CNTLN: variants seen among roughly 807,000 people sequenced by gnomAD.
The protein encoded by CNTLN is centlein, centrosomal protein.
CNTLN carries 212 observed loss-of-function variants against 180.0 expected under a neutral mutation model. The ratio of observed to expected loss-of-function variants is 1.18; its 90% CI spans 1.05 to 1.32. The LOEUF is 1.32. CNTLN is among the 40% of genes most tolerant of loss of function. The pLI is 0.00. For synonymous variants in CNTLN, 722 were observed against 563.1 expected, an observed-to-expected ratio of 1.28 and a Z score of -3.99; for missense variants, 2,095 against 1,610.9, an observed-to-expected ratio of 1.30 and a Z score of -5.14.
At chr9:17,138,572 C>T (rs549209409) in intron 1 of CNTLN, among the ~76,000 whole-genome samples, 27 of 152,260 alleles carry the variant, frequency 1.8e-4, no homozygotes, top group Non-Finnish European at 3.1e-4. Flanking sequence ...CTGTGTAATT[C>T]CACCAGTTGT....
Position 17,149,512 on chromosome 9 carries a change from CT to C in CNTLN, c.449+6158del, listed in dbSNP as rs55691769. Among the ~76,000 whole-genome samples the C allele has an allele frequency of 1.3e-3, 142 of 106,146 alleles. 1 individual carries two copies. The highest frequency in any genetic ancestry group is 2.1e-3 in the Admixed American group (20 of 9,662). The allele number at this position is 106,146 out of a possible 152,430, so 69.6% of individuals were successfully genotyped here. On this transcript the variant is annotated intron_variant, in intron 2 of 25. Transcript: ENST00000380647. Reference sequence around the variant, plus strand: ...CTGACTTTTTTTATTTTCTTTCTTTCTTTTTTTTTTTTTTTTTTTTTTAGAG... The same window carrying C: ...CTGACTTTTTTTATTTTCTTTCTTTCTTTTTTTTTTTTTTTTTTTTTAGAG...
At chr9:17,354,291 C>T (rs968473687) in intron 12 of CNTLN, among the ~76,000 whole-genome samples, 11 of 152,302 alleles carry the variant, frequency 7.2e-5, no homozygotes, top group East Asian at 1.9e-4. Context: ...CGCCCAGTCC[C>T]GTAGACCACC....
At chr9:17,166,658 T>C (rs1438245451) in intron 2 of CNTLN, among the ~76,000 whole-genome samples, 2 of 152,196 alleles carry the variant, frequency 1.3e-5, no homozygotes, top group Non-Finnish European at 2.9e-5. Flanking sequence ...TCTCAATTGC[T>C]AGAAGCTGGA....
chr9:17,352,191 C>G (rs534227749), intron 12 of CNTLN, among the ~76,000 whole-genome samples: 146 of 152,006 alleles, frequency 9.6e-4, no homozygotes, highest in African/African-American at 3.3e-3. Flanking sequence ...ATGTAAGCTA[C>G]AGATCAGTGG....
At position 17,268,014 on chromosome 9, in the gene CNTLN, T is replaced by C. The variant is rs554285279; in HGVS notation, c.850-5719T>C. The stretch of plus-strand genomic sequence containing the variant: ...CTTGTAGCTTGGAGTAGTTTGACTG[T>C]TTGAAGCCTTCTTCTCTCAACTTGT... On this transcript the variant is annotated intron_variant, in intron 5 of 25. Coordinates refer to ENST00000380647, the MANE Select transcript of CNTLN (RefSeq NM_017738.4). Among the ~76,000 whole-genome samples, 44 of 152,314 alleles carry C rather than the reference T, an allele frequency of 2.9e-4. 1 individual carries two copies. The highest frequency in any genetic ancestry group is 1.0e-3 in the African/African-American group (43 of 41,566).
intron 2 of CNTLN, among the ~76,000 whole-genome samples, chr9:17,148,085 A>G (rs939894142): frequency 6.6e-6 from 1 of 152,232 alleles, no homozygotes; most frequent in Non-Finnish European, 1.5e-5. Context: ...GCAAAGACAG[A>G]GAGAATACAT....
chr9:17,350,346 T>A (rs1822256475), intron 12 of CNTLN, among the ~76,000 whole-genome samples: 1 of 152,232 alleles, frequency 6.6e-6, no homozygotes, highest in Non-Finnish European at 1.5e-5. Context: ...TAGGTCTTTC[T>A]ATACTAATCT....
intron 3 of CNTLN, 114 bp downstream of exon 3, chr9:17,226,401 T>C (rs185220399): frequency 1.9e-6 from 1 of 513,994 alleles, no homozygotes; most frequent in East Asian, 3.5e-5. Flanking sequence ...AGGGTCCTTA[T>C]GTTAAAGCAT....
At chr9:17,287,466 C>T (rs1382277145) in intron 6 of CNTLN, among the ~76,000 whole-genome samples, 2 of 150,872 alleles carry the variant, frequency 1.3e-5, no homozygotes, top group South Asian at 4.2e-4. Flanking sequence ...GTCTAAAATT[C>T]TCTTTTTTGG....
intron 25 of CNTLN, among the ~76,000 whole-genome samples, chr9:17,500,380 AG>A (rs1833680231): frequency 6.6e-6 from 1 of 152,218 alleles, no homozygotes; most frequent in Admixed American, 6.5e-5. Context: ...AGATAATAAG[AG>A]TAGATTTAGA....
chr9:17,279,829 T>TGGACCTTTAAGAGGCCGTTGGGTCATGA (rs1828551732), intron 6 of CNTLN, among the ~76,000 whole-genome samples: 1 of 122,182 alleles, frequency 8.2e-6, no homozygotes, highest in African/African-American at 3.4e-5. Context: ...TGTGGGACAT[T>TGGACCTTTAAGAGGCCGTTGGGTCATGA]GGGCTCTGCC....
At chr9:17,455,683 G>T (rs1169937849) in intron 18 of CNTLN, among the ~76,000 whole-genome samples, 1 of 152,100 alleles carries the variant, frequency 6.6e-6, no homozygotes, top group Admixed American at 6.5e-5. Flanking sequence ...AACACCACGT[G>T]TAGAGTCATC....
chr9:17,322,597 C>G (rs1018906436), intron 8 of CNTLN, among the ~76,000 whole-genome samples: 16 of 152,100 alleles, frequency 1.1e-4, no homozygotes, highest in African/African-American at 3.9e-4. Context: ...TGTAATAAAA[C>G]TTAAGAATGT....
intron 2 of CNTLN, among the ~76,000 whole-genome samples, chr9:17,203,809 G>A (rs537950426): frequency 6.6e-5 from 10 of 152,214 alleles, no homozygotes; most frequent in Admixed American, 2.0e-4. Context: ...CACCCGCCTC[G>A]GCCTCCCGAA....
At chr9:17,407,004 AC>A (rs2133824087) in intron 15 of CNTLN, among the ~76,000 whole-genome samples, 2 of 148,660 alleles carry the variant, frequency 1.3e-5, no homozygotes, top group South Asian at 4.1e-4. Flanking sequence ...TTTTGGCCAA[AC>A]AAAAAAGAGG....
At chr9:17,409,005 A>C (rs79914208) in intron 15 of CNTLN, among the ~76,000 whole-genome samples, 1 of 152,136 alleles carries the variant, frequency 6.6e-6, no homozygotes, top group Non-Finnish European at 1.5e-5. Flanking sequence ...CAACCCTGGA[A>C]GTGTTACAAC....
intron 18 of CNTLN, among the ~76,000 whole-genome samples, chr9:17,418,253 A>G (rs2133901340): frequency 6.6e-6 from 1 of 152,154 alleles, no homozygotes; most frequent in South Asian, 2.1e-4. Context: ...ACTCAAATAA[A>G]TGTAACTAGT....
intron 24 of CNTLN, among the ~76,000 whole-genome samples, chr9:17,486,687 T>C (rs569713493): frequency 6.6e-6 from 1 of 152,098 alleles, no homozygotes; most frequent in Non-Finnish European, 1.5e-5. Context: ...CTCCATCTGA[T>C]TTTTCACTTT....
chr9:17,446,260 C>T (rs529683936), intron 18 of CNTLN, among the ~76,000 whole-genome samples: 3 of 152,264 alleles, frequency 2.0e-5, no homozygotes, highest in Admixed American at 2.0e-4. Context: ...GTGTCTTTTT[C>T]TTTCCTAAGT....
Sources: gnomAD v4.1 joint callset for allele counts (sites outside exome capture counted in the v4.1 genomes callset) on GRCh38, gnomAD v4.1.1 for gene constraint, MANE v1.5 for transcripts, NCBI Gene and HGNC (gene_info 2026-07-23, HGNC 2026-07-21) for gene names.